The following SUPT20H variants were observed in gnomAD, a reference collection of about 807,000 sequenced individuals.
The protein encoded by SUPT20H is SPT20 homolog, SAGA complex component.
In SUPT20H, 82 loss-of-function variants were observed where a neutral mutation model predicts 122.8. That is an observed-to-expected ratio of 0.67 (90% CI 0.56 to 0.80). The LOEUF is 0.80. Among genes scored for constraint, SUPT20H ranks in the 30% least tolerant of loss-of-function variants. SUPT20H has a pLI of 0.00. For missense variants in SUPT20H, 831 were observed against 921.6 expected (o/e 0.90, Z 1.27); for synonymous variants, 291 against 313.0 (o/e 0.93, Z 0.74).
At position 37,009,520 on chromosome 13, in the gene SUPT20H, T is replaced by A; in HGVS notation, c.*152A>T. The A allele has an allele frequency of 9.7e-7, 1 of 1,030,214 alleles. No individual in the cohort carries two copies. Among genetic ancestry groups the A allele is most frequent in the South Asian group, 1.5e-5 (1 of 65,792 alleles). 63.8% of individuals were successfully genotyped at this position (1,030,214 alleles called of 1,614,324 possible). A position where few individuals can be genotyped will look rare whatever the true frequency, so the allele number is the denominator to read the frequency against. On this transcript the variant is annotated 3_prime_UTR_variant, in exon 26 of 26. Coordinates refer to ENST00000350612, the MANE Select transcript of SUPT20H (RefSeq NM_001014286.3). The stretch of plus-strand genomic sequence containing the variant: ...TTGTTAAACCATTTCCCTGTTTTTA[T>A]TTAAAAATGATAAGGTTGTGCTTCT...
intron 1 of SUPT20H, among the ~76,000 whole-genome samples, chr13:37,057,810 C>T (rs141607876): frequency 0.023 from 3,498 of 151,958 alleles, 137 homozygotes; most frequent in African/African-American, 0.08. Flanking sequence ...CCCGTCTCTA[C>T]TAAAAACACA....
chr13:37,033,539 G>T lies in SUPT20H; in HGVS notation c.617C>A (p.Pro206Gln). Residue 206 changes from proline to glutamine, a missense_variant, in exon 10 of 26, where the codon CCA (proline) becomes CAA (glutamine). By Grantham distance (76) the Pro-to-Gln change is moderately conservative. Transcript: ENST00000350612. The part of the protein sequence containing the change: ...ESQLILATAE[P>Q]LCLDPSIAVT... ...TGCTATAGAAGGATCAAGACAGAGT[G>T]GTTCAGCTGTAGCTAGGATGAGCTG... 6.2e-7 allele frequency: 1 copy of T among 1,613,480 alleles called. No homozygotes were observed. The highest frequency in any genetic ancestry group is 1.1e-5 in the South Asian group (1 of 90,890).
At chr13:37,045,517 A>G (rs1031633628) in intron 5 of SUPT20H, 144 bp from the exon 6 acceptor site, 5 of 1,030,560 alleles carry the variant, frequency 4.9e-6, no homozygotes, top group Admixed American at 2.9e-5. Flanking sequence ...AAGGCTCACA[A>G]AACTATAGCC....
chr13:37,032,168 G>GT (rs1020409886), intron 10 of SUPT20H, among the ~76,000 whole-genome samples: 14 of 152,066 alleles, frequency 9.2e-5, no homozygotes, highest in Admixed American at 7.2e-4. Flanking sequence ...CCAAGAAGCA[G>GT]TAAGAGAAGC....
chr13:37,053,079 AATT>A, intron 1 of SUPT20H, among the ~76,000 whole-genome samples: 1 of 152,318 alleles, frequency 6.6e-6, no homozygotes, highest in East Asian at 1.9e-4. Context: ...TGGTAGTGTA[AATT>A]AGTTCAACCA....
Position 37,009,656 on chromosome 13 carries a change from A to C in SUPT20H, c.*16T>G. 1 of 1,612,786 alleles carries C rather than the reference A, an allele frequency of 6.2e-7. No homozygotes were observed. Among genetic ancestry groups the C allele is most frequent in the Non-Finnish European group, 8.5e-7 (1 of 1,179,656 alleles). On this transcript the variant is annotated 3_prime_UTR_variant, in exon 26 of 26. Transcript: ENST00000350612. Reference sequence around the variant, plus strand: ...CTCTTGTGTTTTTAAAAAAGGAACAAAAAGTAATGCAAGACTCAAAATTTT... The same window carrying C: ...CTCTTGTGTTTTTAAAAAAGGAACACAAAGTAATGCAAGACTCAAAATTTT...
chr13:37,035,410 A>T (rs776809689), intron 9 of SUPT20H, among the ~76,000 whole-genome samples: 6 of 152,190 alleles, frequency 3.9e-5, no homozygotes, highest in Non-Finnish European at 8.8e-5. Flanking sequence ...AGATGTGGTG[A>T]TAGCAAGAGA....
Position 37,040,660 on chromosome 13 carries a change from T to G in SUPT20H, c.429A>C (p.Ala143=). The G allele has an allele frequency of 6.2e-7, 1 of 1,613,900 alleles. No individual in the cohort carries two copies. Among genetic ancestry groups the G allele is most frequent in the Non-Finnish European group, 8.5e-7 (1 of 1,179,922 alleles). The change falls in exon 8 of 26, where the codon GCA becomes GCC. Residue 143 remains alanine, a synonymous_variant. Coordinates refer to ENST00000350612, the MANE Select transcript of SUPT20H (RefSeq NM_001014286.3). The part of the protein sequence containing the change: ...VNIFHCGCVI[A]EIRDYRQSSN... The stretch of plus-strand genomic sequence containing the variant: ...TGGACTGCCTGTAGTCACGTATTTC[T>G]GCTATGACACATCCGCAATGAAAAA...
At chr13:37,044,541 T>C (rs924408378) in intron 6 of SUPT20H, among the ~76,000 whole-genome samples, 1 of 152,168 alleles carries the variant, frequency 6.6e-6, no homozygotes, top group East Asian at 1.9e-4. Flanking sequence ...GTGCCTTATC[T>C]GAAAAGTGGT....
chr13:37,026,038 C>G (rs1037908914), intron 16 of SUPT20H, 166 bp downstream of exon 16: 30 of 478,472 alleles, frequency 6.3e-5, no homozygotes, highest in African/African-American at 1.0e-4. Flanking sequence ...TTTTATTGTC[C>G]AATGCCCTAA....
At chr13:37,010,487 A>G (rs748301072) in intron 25 of SUPT20H, 65 bp downstream of exon 25, 3 of 1,404,954 alleles carry the variant, frequency 2.1e-6, no homozygotes, top group Non-Finnish European at 3.0e-6. Flanking sequence ...AAAGCAAGTT[A>G]TTTTGAGGTA....
At chr13:37,020,669 C>G (rs2061345242) in intron 21 of SUPT20H, among the ~76,000 whole-genome samples, 2 of 152,142 alleles carry the variant, frequency 1.3e-5, no homozygotes. Context: ...AACATGTTAG[C>G]ATGTTTAATT....
At chr13:37,017,464 A>T (rs1314135946) in intron 22 of SUPT20H, 100 bp from the exon 23 acceptor site, 2 of 1,219,670 alleles carry the variant, frequency 1.6e-6, no homozygotes, top group Admixed American at 2.9e-5. Flanking sequence ...GCTATGTGTC[A>T]CTCTTCTAGT....
intron 21 of SUPT20H, 102 bp from the exon 22 acceptor site, chr13:37,019,499 CT>C (rs2061123234): frequency 1.4e-6 from 1 of 716,554 alleles, no homozygotes; most frequent in Admixed American, 3.1e-5. Flanking sequence ...TATGTATTCT[CT>C]GCATAGATGT....
intron 24 of SUPT20H, among the ~76,000 whole-genome samples, chr13:37,011,018 T>C (rs761517751): frequency 6.6e-6 from 1 of 152,162 alleles, no homozygotes; most frequent in Non-Finnish European, 1.5e-5. Context: ...AAATCCAAAC[T>C]ATTGTAACAA....
At chr13:37,052,853 A>G (rs1287372321) in intron 1 of SUPT20H, among the ~76,000 whole-genome samples, 1 of 152,240 alleles carries the variant, frequency 6.6e-6, no homozygotes, top group Non-Finnish European at 1.5e-5. Context: ...ACCCCATCAA[A>G]AAGTGGGTGA....
intron 14 of SUPT20H, 29 bp from the exon 15 acceptor site, chr13:37,026,845 A>G: frequency 1.4e-6 from 2 of 1,394,536 alleles, no homozygotes; most frequent in Non-Finnish European, 1.9e-6. Flanking sequence ...AAAAAAGCTT[A>G]GTTAATGCAG....
intron 2 of SUPT20H, among the ~76,000 whole-genome samples, chr13:37,049,803 C>G (rs540922067): frequency 4.6e-5 from 7 of 152,172 alleles, no homozygotes; most frequent in African/African-American, 1.7e-4. Flanking sequence ...GGTTTTCTTT[C>G]TAGTTTTCTG....
In SUPT20H at chr13:37,033,540, G is replaced by C; in HGVS notation, c.616C>G (p.Pro206Ala). The C allele has an allele frequency of 6.2e-7, 1 of 1,613,470 alleles. No homozygotes were observed. Among genetic ancestry groups the C allele is most frequent in the South Asian group, 1.1e-5 (1 of 90,876 alleles). ...GCTATAGAAGGATCAAGACAGAGTG[G>C]TTCAGCTGTAGCTAGGATGAGCTGG... ...ESQLILATAE[P>A]LCLDPSIAVT... Residue 206 changes from proline to alanine, a missense_variant, in exon 10 of 26, where the codon CCA (proline) becomes GCA (alanine). By Grantham distance (27) the Pro-to-Ala change is conservative (BLOSUM62 -1). Coordinates refer to ENST00000350612, the MANE Select transcript of SUPT20H (RefSeq NM_001014286.3).
Sources: allele counts gnomAD v4.1 joint callset (sites outside exome capture counted in the v4.1 genomes callset), GRCh38; gene constraint gnomAD v4.1.1; transcripts MANE v1.5; gene names NCBI Gene and HGNC (gene_info 2026-07-23, HGNC 2026-07-21).